ATF6: variants seen among roughly 807,000 people sequenced by gnomAD.
The protein encoded by ATF6 is cyclic AMP-dependent transcription factor ATF-6 alpha.
Under a neutral mutation model 83.6 loss-of-function variants are expected in ATF6, and 53 were observed. The ratio of observed to expected loss-of-function variants is 0.63; its 90% CI spans 0.51 to 0.80. The LOEUF (loss-of-function observed/expected upper bound fraction) is 0.80, where lower values mean the gene tolerates loss of function less well. Ranked by LOEUF, ATF6 falls within the 30% of genes least tolerant of loss-of-function variation. The pLI is 0.00. For missense variants in ATF6, 744 were observed against 797.9 expected, an observed-to-expected ratio of 0.93 and a Z score of 0.81; for synonymous variants, 288 against 285.8, an observed-to-expected ratio of 1.01 and a Z score of -0.08.
At chr1:161,917,372 A>T (rs922293525) in intron 15 of ATF6, among the ~76,000 whole-genome samples, 2 of 152,038 alleles carry the variant, frequency 1.3e-5, no homozygotes, top group African/African-American at 4.8e-5. Context: ...TTTATCATTT[A>T]TGTTTCAGAT....
chr1:161,845,544 G>A (rs1274697966), intron 9 of ATF6, among the ~76,000 whole-genome samples: 5 of 152,104 alleles, frequency 3.3e-5, no homozygotes, highest in Non-Finnish European at 7.4e-5. Flanking sequence ...AAGGTGGGAG[G>A]ATAGCTTTAG....
chr1:161,865,410 G>A (rs953226715), intron 14 of ATF6, among the ~76,000 whole-genome samples: 10 of 152,138 alleles, frequency 6.6e-5, no homozygotes, highest in Admixed American at 5.9e-4. Context: ...CACCCGCCTC[G>A]GCCTCCCAGA....
At position 161,963,746 on chromosome 1, in the gene ATF6, G is replaced by A. The variant is rs927134616; in HGVS notation, c.*5092G>A. The A allele has an allele frequency of 2.0e-5, 3 of 152,200 alleles. No homozygotes were observed. Among genetic ancestry groups the A allele is most frequent in the Admixed American group, 1.3e-4 (2 of 15,284 alleles). 9.4% of individuals were successfully genotyped at this position (152,200 alleles called of 1,614,324 possible). A position where few individuals can be genotyped will look rare whatever the true frequency, so the allele number is the denominator to read the frequency against. The stretch of plus-strand genomic sequence containing the variant: ...AGATGAAAACTACTATGCACTACTA[G>A]CCTTAGAGGCACTGGTTTCCTGTTA... On this transcript the variant is annotated 3_prime_UTR_variant, in exon 16 of 16. Coordinates refer to ENST00000367942, the MANE Select transcript of ATF6 (RefSeq NM_007348.4).
Position 161,934,250 on chromosome 1 carries a change from C to T in ATF6, c.1804+21870C>T, listed in dbSNP as rs1688490410. The stretch of plus-strand genomic sequence containing the variant: ...ATGCCGGTAAATTGTTGCCACCTTC[C>T]TCCATCCTCCTCTAACAGAGCCATT... On this transcript the variant is annotated intron_variant, in intron 15 of 15. Transcript: ENST00000367942. Among the ~76,000 whole-genome samples, 5 of 152,254 alleles carry T rather than the reference C, an allele frequency of 3.3e-5. No homozygotes were observed. The South Asian group carries it at 1.0e-3, about 32-fold the overall frequency.
intron 14 of ATF6, among the ~76,000 whole-genome samples, chr1:161,872,621 C>T (rs933932319): frequency 2.6e-5 from 4 of 151,450 alleles, no homozygotes; most frequent in African/African-American, 9.7e-5. Context: ...AGGAAGAGTT[C>T]AGAAAACGAG....
intron 8 of ATF6, 48 bp downstream of exon 8, chr1:161,819,866 T>C (rs371794613): frequency 2.1e-6 from 3 of 1,452,338 alleles, no homozygotes; most frequent in South Asian, 2.8e-5. Context: ...AAGTATCCTC[T>C]GGATTAATAA....
At chr1:161,820,919 C>T (rs1685742719) in intron 8 of ATF6, 151 bp from the exon 9 acceptor site, 3 of 479,448 alleles carry the variant, frequency 6.3e-6, no homozygotes, top group South Asian at 3.8e-5. Context: ...ATTTCCTCAC[C>T]TTTGATTTTT....
intron 7 of ATF6, among the ~76,000 whole-genome samples, chr1:161,815,582 T>C (rs1685594260): frequency 6.6e-6 from 1 of 152,022 alleles, no homozygotes; most frequent in African/African-American, 2.4e-5. Flanking sequence ...ATTTTATTAA[T>C]AAAAAGAGAC....
chr1:161,813,223 G>A (rs1413069326), intron 7 of ATF6, among the ~76,000 whole-genome samples: 2 of 152,028 alleles, frequency 1.3e-5, no homozygotes, highest in African/African-American at 4.8e-5. Flanking sequence ...TAAAAATTAA[G>A]GTAGCAGATA....
rs1686678048 is a variant in ATF6 at position 161,853,272 on chromosome 1, G to A, written c.1482G>A (p.Arg494=). 6.2e-7 allele frequency: 1 copy of A among 1,613,728 alleles called. No individual in the cohort carries two copies. The highest frequency in any genetic ancestry group is 1.3e-5 in the African/African-American group (1 of 74,920). The change falls in exon 12 of 16, where the codon AGG becomes AGA. Residue 494 remains arginine, a synonymous_variant. Coordinates refer to ENST00000367942, the MANE Select transcript of ATF6 (RefSeq NM_007348.4). ...RGWVHRHEVE[R]TKSRRMTNNQ... ...GGGTTCATAGACATGAAGTAGAAAG[G>A]ACCAAGTCAAGAAGAATGACAAATA... is the stretch of plus-strand genomic sequence containing the variant.
intron 10 of ATF6, 95 bp from the exon 11 acceptor site, chr1:161,851,627 T>C (rs2101826021): frequency 1.3e-6 from 1 of 754,200 alleles, no homozygotes. Context: ...TATTTTTGTT[T>C]CCATGAAAAG....
chr1:161,869,734 C>G (rs944398388), intron 14 of ATF6, among the ~76,000 whole-genome samples: 2 of 151,596 alleles, frequency 1.3e-5, no homozygotes, highest in African/African-American at 4.8e-5. Context: ...TAAACTTAAC[C>G]TAGATTTATT....
intron 7 of ATF6, among the ~76,000 whole-genome samples, chr1:161,805,218 A>G (rs1010785237): frequency 5.3e-5 from 8 of 152,054 alleles, no homozygotes; most frequent in Non-Finnish European, 1.0e-4. Flanking sequence ...AGTTCTAATT[A>G]GTCTTTATCT....
chr1:161,889,203 G>A, intron 14 of ATF6, among the ~76,000 whole-genome samples: 1 of 152,172 alleles, frequency 6.6e-6, no homozygotes, highest in Non-Finnish European at 1.5e-5. Flanking sequence ...CATTCCCCAA[G>A]TTCCCTTTCA....
chr1:161,932,329 A>G (rs1688451272), intron 15 of ATF6, among the ~76,000 whole-genome samples: 2 of 152,144 alleles, frequency 1.3e-5, no homozygotes, highest in Admixed American at 6.5e-5. Context: ...TTTTTCAGGC[A>G]TATTGGAACC....
intron 14 of ATF6, among the ~76,000 whole-genome samples, chr1:161,872,314 C>G (rs961643091): frequency 2.0e-5 from 3 of 151,672 alleles, no homozygotes; most frequent in Non-Finnish European, 4.4e-5. Context: ...TCATTTCCCT[C>G]TATTGCCTGT....
intron 7 of ATF6, among the ~76,000 whole-genome samples, chr1:161,806,269 C>A (rs1285616533): frequency 6.6e-6 from 1 of 152,202 alleles, no homozygotes; most frequent in Non-Finnish European, 1.5e-5. Flanking sequence ...TGCCACACAT[C>A]AAACCAAGGG....
chr1:161,898,626 C>A (rs1687722565), intron 14 of ATF6, among the ~76,000 whole-genome samples: 1 of 151,988 alleles, frequency 6.6e-6, no homozygotes, highest in African/African-American at 2.4e-5. Context: ...CAGCTCACTG[C>A]AACCTCCACC....
At chr1:161,901,213 T>C (rs1180587497) in intron 14 of ATF6, among the ~76,000 whole-genome samples, 3 of 152,070 alleles carry the variant, frequency 2.0e-5, no homozygotes, top group African/African-American at 4.8e-5. Flanking sequence ...ATTTGTTACA[T>C]TGGCATATTG....
Sources: allele counts gnomAD v4.1 joint callset (sites outside exome capture counted in the v4.1 genomes callset), GRCh38; gene constraint gnomAD v4.1.1; transcripts MANE v1.5; gene names NCBI Gene and HGNC (gene_info 2026-07-23, HGNC 2026-07-21).